CACNG7: variants seen among roughly 807,000 people sequenced by gnomAD.
CACNG7 encodes the protein voltage-dependent calcium channel gamma-7 subunit.
Under a neutral mutation model 26.3 loss-of-function variants are expected in CACNG7, and 9 were observed. The observed-to-expected ratio is 0.34, with a 90% CI of 0.21 to 0.60. The LOEUF is 0.60. Among genes scored for constraint, CACNG7 ranks in the 20% least tolerant of loss-of-function variants. CACNG7 has a pLI of 0.81. For missense variants in CACNG7, 297 were observed against 380.4 expected (o/e 0.78, Z 1.82); for synonymous variants, 170 against 157.0 (o/e 1.08, Z -0.62).
At chr19:53,936,623 T>C (rs1454767011) in intron 4 of CACNG7, among the ~76,000 whole-genome samples, 1 of 152,252 alleles carries the variant, frequency 6.6e-6, no homozygotes, top group Non-Finnish European at 1.5e-5. Context: ...GTTTTTGTTT[T>C]TTTGAGACGG....
chr19:53,920,912 T>TCCCCAGGTCTGGTCATTGGTGGAGTTGC (rs2068942125), intron 4 of CACNG7, among the ~76,000 whole-genome samples: 1 of 93,392 alleles, frequency 1.1e-5, no homozygotes, highest in Non-Finnish European at 2.1e-5. Context: ...GGTGGAGTTG[T>TCCCCAGGTCTGGTCATTGGTGGAGTTGC]CCCCAGGTCT....
At chr19:53,926,705 G>A (rs192411752) in intron 4 of CACNG7, among the ~76,000 whole-genome samples, 38 of 152,156 alleles carry the variant, frequency 2.5e-4, no homozygotes, top group Non-Finnish European at 4.9e-4. Context: ...TTGAGGTCAG[G>A]AGTTCGAGAC....
At position 53,927,799 on chromosome 19, in the gene CACNG7, T is replaced by C. The variant is rs201667362; in HGVS notation, c.424+12294T>C. The stretch of plus-strand genomic sequence containing the variant: ...GTTGCAGTGAGCCGAGATCGCACCA[T>C]TGCACTCCAGCTTGGGCAACAAGAG... On this transcript the variant is annotated intron_variant, in intron 4 of 5. Transcript: ENST00000391767. Among the ~76,000 whole-genome samples the C allele has an allele frequency of 2.4e-3, 357 of 149,968 alleles. 3 individuals carry two copies. Among genetic ancestry groups the C allele is most frequent in the African/African-American group, 8.0e-3 (327 of 40,640 alleles).
rs1192739570 is a variant in CACNG7, at chr19:53,939,159, G to A, written c.425-2311G>A. On this transcript the variant is annotated intron_variant, in intron 4 of 5. Coordinates refer to ENST00000391767, the MANE Select transcript of CACNG7 (RefSeq NM_031896.5). The surrounding 1 kb of genome is among the most constrained non-coding windows in gnomAD (Gnocchi z 4.2). ...GTTAATTCCAGCTACGCAGGAGGCT[G>A]AGGCAGGAGAATCGCTTGAGTCCAG... is the stretch of plus-strand genomic sequence containing the variant. Among the ~76,000 whole-genome samples the A allele has an allele frequency of 6.6e-6, 1 of 152,140 alleles. No individual in the cohort carries two copies. Among genetic ancestry groups the A allele is most frequent in the African/African-American group, 2.4e-5 (1 of 41,422 alleles).
At chr19:53,937,257 G>A (rs1002298788) in intron 4 of CACNG7, among the ~76,000 whole-genome samples, 7 of 152,138 alleles carry the variant, frequency 4.6e-5, no homozygotes, top group African/African-American at 1.7e-4. Flanking sequence ...TTCCCATCAC[G>A]GGAGAGATAT....
chr19:53,942,586 A>ACG lies in CACNG7; in HGVS notation c.*293_*294insCG. ...CTGGCCCCTCCTCTCCAAGAAAATT[A>ACG]GCTCCTCCCTCGTTCTCCACCTGCT... On this transcript the variant is annotated 3_prime_UTR_variant, in exon 6 of 6. Transcript: ENST00000391767. This position sits in a 1 kb window ranked among gnomAD's most constrained non-coding sequence, Gnocchi z 5.9. 2 of 1,296,864 alleles carry ACG rather than the reference A, an allele frequency of 1.5e-6. No individual in the cohort carries two copies. The highest frequency in any genetic ancestry group is 2.3e-5 in the South Asian group (1 of 44,010). The allele number at this position is 1,296,864 out of a possible 1,614,324, so 80.3% of individuals were successfully genotyped here.
intron 4 of CACNG7, among the ~76,000 whole-genome samples, chr19:53,925,539 G>A (rs1357426615): frequency 2.1e-5 from 3 of 143,060 alleles, no homozygotes; most frequent in African/African-American, 8.2e-5. Context: ...GTCCCAGGCT[G>A]GTCATTGGTG....
Position 53,914,498 on chromosome 19 carries a change from A to C in CACNG7, c.197-2A>C. ...AGCCCTGTCTGTTTCTCTTCCCCCC[A>C]GGTCGGGAGAAAGGTCGCTGTGTGG... On this transcript the variant is annotated splice_acceptor_variant, in intron 2 of 5. Coordinates refer to ENST00000391767, the MANE Select transcript of CACNG7 (RefSeq NM_031896.5). LOFTEE classifies it high-confidence loss of function. 6.2e-7 allele frequency: 1 copy of C among 1,613,476 alleles called. No homozygotes were observed. The highest frequency in any genetic ancestry group is 8.5e-7 in the Non-Finnish European group (1 of 1,179,640).
At chr19:53,915,016 ATAAAT>A (rs773615328) in intron 3 of CACNG7, among the ~76,000 whole-genome samples, 4 of 145,618 alleles carry the variant, frequency 2.7e-5, no homozygotes, top group Admixed American at 6.8e-5. Context: ...AAAAAAAAAA[ATAAAT>A]AAAAGGAAGG....
chr19:53,929,066 GCCA>G (rs2069053233), intron 4 of CACNG7, among the ~76,000 whole-genome samples: 1 of 137,112 alleles, frequency 7.3e-6, no homozygotes, highest in African/African-American at 2.8e-5. Flanking sequence ...CTGAGATGGC[GCCA>G]TTACACCACT....
Position 53,919,063 on chromosome 19 carries a change from C to T in CACNG7, c.424+3558C>T, listed in dbSNP as rs1475242833. 3.9e-5 allele frequency among the ~76,000 whole-genome samples: 6 copies of T among 152,246 alleles called. No individual in the cohort carries two copies. In the East Asian group the frequency reaches 5.8e-4, roughly 15 times the overall value. On this transcript the variant is annotated intron_variant, in intron 4 of 5. Transcript: ENST00000391767. ...GGAATTGCAGGCGTGAGCCACCGCACGTTGCCCTTATTTTGATTTTTTAAT... is the reference window on the plus strand; with the variant it reads ...GGAATTGCAGGCGTGAGCCACCGCATGTTGCCCTTATTTTGATTTTTTAAT...
At chr19:53,910,011 G>T (rs1365624819) in intron 1 of CACNG7, among the ~76,000 whole-genome samples, 1 of 152,130 alleles carries the variant, frequency 6.6e-6, no homozygotes, top group Non-Finnish European at 1.5e-5. Flanking sequence ...CTTCAGGCCT[G>T]GGGGGAGGGT....
rs561514338 is a variant in CACNG7 at position 53,940,900 on chromosome 19, T to A, written c.425-570T>A. On this transcript the variant is annotated intron_variant, in intron 4 of 5. Transcript: ENST00000391767. The surrounding 1 kb of genome is among the most constrained non-coding windows in gnomAD (Gnocchi z 4.1). ...TGAAACCCCGTCTCTACTAAAAATA[T>A]AAAAAAAAAAATTAGTCGGGAGTGG... is the stretch of plus-strand genomic sequence containing the variant. 9.2e-4 allele frequency among the ~76,000 whole-genome samples: 134 copies of A among 146,116 alleles called. No individual in the cohort carries two copies. The highest frequency in any genetic ancestry group is 3.0e-3 in the African/African-American group (119 of 40,032).
chr19:53,941,935 C>G, intron 5 of CACNG7, 101 bp from the exon 6 acceptor site: 1 of 1,392,968 alleles, frequency 7.2e-7, no homozygotes, highest in South Asian at 1.5e-5. Context: ...TAGGAAGGGG[C>G]TTGGGGTGGG....
chr19:53,922,675 CATTGGTGGAGTTGCCCCAGGTCT>C (rs2068971788), intron 4 of CACNG7, among the ~76,000 whole-genome samples: 1 of 67,024 alleles, frequency 1.5e-5, no homozygotes, highest in South Asian at 6.1e-4. Flanking sequence ...CCAGGCTGGT[CATTGGTGGAGTTGCCCCAGGTCT>C]GGTCATTGGT....
Position 53,909,891 on chromosome 19 carries a change from CGAGAGATGGAG to C in CACNG7, c.-30+386_-30+396del, listed in dbSNP as rs1015909525. On this transcript the variant is annotated intron_variant, in intron 1 of 5. Transcript: ENST00000391767. This position sits in a 1 kb window ranked among gnomAD's most constrained non-coding sequence, Gnocchi z 5.1. ...CCAGAAAGGGGGAGTTACGGTCTCCCGAGAGATGGAGGAGAGATGGAGTTTGGGCTTAAGAC... is the reference window on the plus strand; with the variant it reads ...CCAGAAAGGGGGAGTTACGGTCTCCCGAGAGATGGAGTTTGGGCTTAAGAC... Among the ~76,000 whole-genome samples, 8 of 151,906 alleles carry C rather than the reference CGAGAGATGGAG, an allele frequency of 5.3e-5. No homozygotes were observed. Among genetic ancestry groups the C allele is most frequent in the African/African-American group, 1.9e-4 (8 of 41,344 alleles).
rs1194057520 is a variant in CACNG7 at position 53,912,884 on chromosome 19, C to A, written c.53C>A (p.Ala18Glu). ...ALTLLSSVFG[A>E]CGLLLVGIAV... is the part of the protein sequence containing the mutation. ...ACCCTGCTGAGCAGCGTGTTTGGTG[C>A]GTGTGGCCTGCTCCTGGTAGGCATC... The change falls in exon 2 of 6, where the codon GCG becomes GAG. Residue 18 changes from alanine to glutamate, a missense_variant. Coordinates refer to ENST00000391767, the MANE Select transcript of CACNG7 (RefSeq NM_031896.5). The surrounding 1 kb of genome is among the most constrained non-coding windows in gnomAD (Gnocchi z 4.6). The A allele has an allele frequency of 6.2e-7, 1 of 1,613,830 alleles. No individual in the cohort carries two copies. The highest frequency in any genetic ancestry group is 8.5e-7 in the Non-Finnish European group (1 of 1,180,046).
intron 4 of CACNG7, among the ~76,000 whole-genome samples, chr19:53,928,408 A>C (rs2069048442): frequency 6.6e-6 from 1 of 152,010 alleles, no homozygotes; most frequent in African/African-American, 2.4e-5. Flanking sequence ...AGTAGCTGGG[A>C]TTACAAACGT....
chr19:53,914,505 G>A lies in CACNG7; in HGVS notation c.202G>A (p.Glu68Lys), dbSNP rs1464449816. 2 of 1,614,086 alleles carry A rather than the reference G, an allele frequency of 1.2e-6. No homozygotes were observed. Among genetic ancestry groups the A allele is most frequent in the Non-Finnish European group, 1.7e-6 (2 of 1,179,982 alleles). Residue 68 changes from glutamate to lysine, a missense_variant, in exon 3 of 6, where the codon GAG becomes AAG. Glu to Lys is a moderately conservative substitution (Grantham distance 56, BLOSUM62 1). Transcript: ENST00000391767. The part of the protein sequence containing the change: ...LWRVCFFAGR[E>K]KGRCVASEYF... Reference sequence around the variant, plus strand: ...TCTGTTTCTCTTCCCCCCAGGTCGGGAGAAAGGTCGCTGTGTGGCCTCAGA... The same window carrying A: ...TCTGTTTCTCTTCCCCCCAGGTCGGAAGAAAGGTCGCTGTGTGGCCTCAGA...
Sources: allele counts gnomAD v4.1 joint callset (sites outside exome capture counted in the v4.1 genomes callset), GRCh38; gene constraint gnomAD v4.1.1; non-coding constraint Gnocchi (gnomAD v3.1); transcripts MANE v1.5; gene names NCBI Gene and HGNC (gene_info 2026-07-23, HGNC 2026-07-21).